Variants in SARS2 observed in about 807,000 individuals in gnomAD.
SARS2 encodes the protein seryl-tRNA synthetase 2, mitochondrial.
A neutral mutation model predicts 66.8 loss-of-function variants in SARS2; 52 were observed. The observed-to-expected ratio is 0.78, with a 90% CI of 0.62 to 0.98. The LOEUF (loss-of-function observed/expected upper bound fraction) is 0.98. Among genes scored for constraint, SARS2 ranks in the 50% least tolerant of loss-of-function variants. The pLI is 0.00. For synonymous variants in SARS2, 306 were observed against 281.4 expected, an observed-to-expected ratio of 1.09 and a Z score of -0.87; for missense variants, 673 against 706.3, an observed-to-expected ratio of 0.95 and a Z score of 0.53.
At chr19:38,917,033 G>T (rs1047976660) in intron 12 of SARS2, among the ~76,000 whole-genome samples, 1 of 151,376 alleles carries the variant, frequency 6.6e-6, no homozygotes, top group African/African-American at 2.4e-5. Context: ...CATGATCACA[G>T]CTCATTGTAG....
Position 38,921,591 on chromosome 19 carries a change from G to C in SARS2, c.470C>G (p.Ala157Gly). The C allele has an allele frequency of 6.2e-7, 1 of 1,614,210 alleles. No homozygotes were observed. The highest frequency in any genetic ancestry group is 8.5e-7 in the Non-Finnish European group (1 of 1,180,030). ...KELVHLYPRE[A>G]QLEEQFYLQA... ...CAGGTAGAACTGCTCCTCAAGCTGGGCCTCCCTGGGGTACAGGTGAACAAG... is the reference window on the plus strand; with the variant it reads ...CAGGTAGAACTGCTCCTCAAGCTGGCCCTCCCTGGGGTACAGGTGAACAAG... Residue 157 changes from alanine to glycine, a missense_variant, in exon 4 of 16, where the codon GCC (alanine) becomes GGC (glycine). Ala to Gly is a moderately conservative substitution (Grantham distance 60). Transcript: ENST00000221431.
chr19:38,924,181 A>T (rs1974590798), intron 2 of SARS2, among the ~76,000 whole-genome samples: 2 of 152,056 alleles, frequency 1.3e-5, no homozygotes. Flanking sequence ...TGTAGATTCG[A>T]AAATGGAAGC....
intron 2 of SARS2, among the ~76,000 whole-genome samples, chr19:38,923,070 A>AT (rs35851275): frequency 0.74 from 110,014 of 149,570 alleles, 41,647 homozygotes; most frequent in East Asian, 0.96. Flanking sequence ...CGATCGGCTA[A>AT]TTTTTTTTGT....
rs1340854881 is a variant in SARS2 at position 38,921,456 on chromosome 19, G to C, written c.535-10C>G. 6.2e-7 allele frequency: 1 copy of C among 1,614,026 alleles called. No individual in the cohort carries two copies. The highest frequency in any genetic ancestry group is 8.5e-7 in the Non-Finnish European group (1 of 1,180,030). ...TCTCATCCCCGACGGGCTGCAGGGA[G>C]ACAGCAGGAGTCACGGAAAGGTGGC... On this transcript the variant is annotated splice_polypyrimidine_tract_variant and intron_variant, in intron 4 of 15. Coordinates refer to ENST00000221431, the MANE Select transcript of SARS2 (RefSeq NM_017827.4).
At chr19:38,922,483 T>A (rs988055743) in intron 2 of SARS2, among the ~76,000 whole-genome samples, 1 of 152,198 alleles carries the variant, frequency 6.6e-6, no homozygotes, top group Admixed American at 6.6e-5. Flanking sequence ...CAGATCCGTA[T>A]AGGAAGTGAT....
chr19:38,916,007 C>T lies in SARS2; in HGVS notation c.1347+30G>A, dbSNP rs2144760109. 4 of 1,612,736 alleles carry T rather than the reference C, an allele frequency of 2.5e-6. No individual in the cohort carries two copies. The South Asian group carries it at 3.3e-5, about 13-fold the overall frequency. ...GGGCGGCAGAGGCTGCGGGCGAGGG[C>T]ACGCGGGCAGGAGGCTGTGCGGGCC... On this transcript the variant is annotated intron_variant, in intron 14 of 15. Transcript: ENST00000221431.
At chr19:38,922,329 A>C (rs1974552471) in intron 2 of SARS2, 62 bp from the exon 3 acceptor site, 1 of 1,545,302 alleles carries the variant, frequency 6.5e-7, no homozygotes. Flanking sequence ...GGAAGAGAAA[A>C]AATGGTGAAA....
chr19:38,924,897 G>A (rs1009056455), intron 2 of SARS2, among the ~76,000 whole-genome samples: 4 of 152,194 alleles, frequency 2.6e-5, no homozygotes, highest in African/African-American at 9.7e-5. Flanking sequence ...ATGGCTGTGA[G>A]GATTAAGAGT....
At chr19:38,923,214 GTTTT>G (rs1568426893) in intron 2 of SARS2, among the ~76,000 whole-genome samples, 1 of 96,142 alleles carries the variant, frequency 1.0e-5, no homozygotes, top group Non-Finnish European at 2.0e-5. Context: ...CTGATCTCAG[GTTTT>G]CTTTTTTTTT....
rs749887734 is a variant in SARS2 at position 38,930,739 on chromosome 19, T to G, written c.-3A>C. The G allele has an allele frequency of 1.9e-6, 3 of 1,612,896 alleles. No homozygotes were observed. The African/African-American group carries it at 4.0e-5, about 22-fold the overall frequency. ...CGCCGCGCCATGGACGCAGCCATCT[T>G]GGACCGGGAACAAGGCGGCACTTCG... On this transcript the variant is annotated 5_prime_UTR_variant, in exon 1 of 16. Transcript: ENST00000221431.
intron 1 of SARS2, among the ~76,000 whole-genome samples, chr19:38,927,717 T>A (rs558905343): frequency 6.6e-6 from 1 of 152,248 alleles, no homozygotes; most frequent in Middle Eastern, 3.4e-3. Context: ...CCAACACTTG[T>A]CCTTTTCTGT....
At chr19:38,923,406 T>C (rs1159408277) in intron 2 of SARS2, among the ~76,000 whole-genome samples, 5 of 146,434 alleles carry the variant, frequency 3.4e-5, no homozygotes, top group Admixed American at 6.8e-5. Flanking sequence ...GTATTTTTAG[T>C]AGAGACGGGG....
rs749696284 is a variant in SARS2 at position 38,915,497 on chromosome 19, G to A, written c.*109C>T. 18 of 1,371,664 alleles carry A rather than the reference G, an allele frequency of 1.3e-5. No individual in the cohort carries two copies. Among genetic ancestry groups the A allele is most frequent in the Non-Finnish European group, 1.7e-5 (17 of 991,136 alleles). 85.0% of individuals were successfully genotyped at this position (1,371,664 alleles called of 1,614,324 possible). Reference sequence around the variant, plus strand: ...CAGGGGCCCGGGCGTGGAGCTGACAGGAAGAACACAGATGTCAGGACGGGC... The same window carrying A: ...CAGGGGCCCGGGCGTGGAGCTGACAAGAAGAACACAGATGTCAGGACGGGC... On this transcript the variant is annotated 3_prime_UTR_variant, in exon 16 of 16. Coordinates refer to ENST00000221431, the MANE Select transcript of SARS2 (RefSeq NM_017827.4).
intron 6 of SARS2, 67 bp downstream of exon 6, chr19:38,920,019 G>A: frequency 6.9e-7 from 1 of 1,449,398 alleles, no homozygotes; most frequent in Non-Finnish European, 9.5e-7. Context: ...GGCCAATGAG[G>A]CAGGAGCCAG....
chr19:38,919,707 T>TG, intron 7 of SARS2, 55 bp downstream of exon 7: 1 of 1,415,462 alleles, frequency 7.1e-7, no homozygotes, highest in Non-Finnish European at 1.0e-6. Flanking sequence ...TTGGGCCCTC[T>TG]GAGCTCAGCT....
At chr19:38,926,989 T>C (rs897841801) in intron 1 of SARS2, among the ~76,000 whole-genome samples, 24 of 145,714 alleles carry the variant, frequency 1.6e-4, no homozygotes, top group Non-Finnish European at 3.1e-4. Context: ...CAGGCTGGAG[T>C]GTAGTGGCAT....
intron 2 of SARS2, among the ~76,000 whole-genome samples, chr19:38,925,598 C>T (rs1319977382): frequency 6.6e-6 from 1 of 152,198 alleles, no homozygotes; most frequent in Non-Finnish European, 1.5e-5. Context: ...CTGTCTCCTT[C>T]CCCTGGCACA....
rs200404554 is a variant in SARS2, at chr19:38,921,518, G to A, written c.534+9C>T. 1.2e-5 allele frequency: 19 copies of A among 1,614,172 alleles called. No homozygotes were observed. The highest frequency in any genetic ancestry group is 1.1e-4 in the African/African-American group (8 of 75,046). On this transcript the variant is annotated intron_variant, in intron 4 of 15. Transcript: ENST00000221431. Reference sequence around the variant, plus strand: ...CCCTGGCCTCCCTGCCACCCAGCACGGTGCTCACCACGTCTGGGTGGGTCT... The same window carrying A: ...CCCTGGCCTCCCTGCCACCCAGCACAGTGCTCACCACGTCTGGGTGGGTCT...
intron 8 of SARS2, 67 bp from the exon 9 acceptor site, chr19:38,918,597 C>G: frequency 7.1e-7 from 1 of 1,406,616 alleles, no homozygotes. Flanking sequence ...TTTACAGTCC[C>G]AACCCCAGCT....
Sources: allele counts gnomAD v4.1 joint callset (sites outside exome capture counted in the v4.1 genomes callset), GRCh38; gene constraint gnomAD v4.1.1; transcripts MANE v1.5; gene names NCBI Gene and HGNC (gene_info 2026-07-23, HGNC 2026-07-21).